ITPR1: variants seen among roughly 807,000 people sequenced by gnomAD.
The protein encoded by ITPR1 is inositol 1,4,5-trisphosphate receptor type 1, also known as inositol 1,4,5-trisphosphate-gated calcium channel ITPR1.
ITPR1 carries 96 observed loss-of-function variants against 318.4 expected under a neutral mutation model. The observed-to-expected ratio is 0.30, with a 90% confidence interval of 0.26 to 0.36. The LOEUF is 0.36. Among genes scored for constraint, ITPR1 ranks in the 10% least tolerant of loss-of-function variants. The pLI is 1.00. For synonymous variants in ITPR1, 1,312 were observed against 1,289.9 expected, an observed-to-expected ratio of 1.02 and a Z score of -0.37; for missense variants, 2,440 against 3,460.2, an observed-to-expected ratio of 0.71 and a Z score of 7.40.
rs746907550 is a variant in ITPR1 at position 4,673,263 on chromosome 3, C to G, written c.2332C>G (p.Leu778Val). The G allele has an allele frequency of 3.7e-6, 6 of 1,613,986 alleles. No homozygotes were observed. Among genetic ancestry groups the G allele is most frequent in the East Asian group, 2.2e-5 (1 of 44,864 alleles). ...GTCTGACGAGAACCTGCCCTATGAC[C>G]TCAGGGCGTCCTTCTGCCGCCTCAT... ...CMSDENLPYDLRASFCRLMLH... is the reference protein window; with the variant it reads ...CMSDENLPYDVRASFCRLMLH... Residue 778 changes from leucine (L) to valine (V), a missense_variant, in exon 21 of 62, where the codon CTC becomes GTC. Transcript: ENST00000649015.
At chr3:4,522,248 C>T (rs528047369) in intron 4 of ITPR1, among the ~76,000 whole-genome samples, 161 of 152,206 alleles carry the variant, frequency 1.1e-3, no homozygotes, top group African/African-American at 3.5e-3. Context: ...ACAGCCAGGG[C>T]GGAAAACCAC....
At chr3:4,697,315 G>GGTGTGTGT (rs35795762) in intron 34 of ITPR1, 43 bp downstream of exon 34, 16,146 of 861,920 alleles carry the variant, frequency 0.019, 166 homozygotes, top group South Asian at 0.056. Context: ...GAGAGTGAGA[G>GGTGTGTGT]GTGTGTGTGT....
chr3:4,814,107 A>G (rs982727040), intron 57 of ITPR1, among the ~76,000 whole-genome samples: 4 of 151,928 alleles, frequency 2.6e-5, no homozygotes, highest in Non-Finnish European at 5.9e-5. Flanking sequence ...TTGCGAAGCA[A>G]CTCATCTGAC....
intron 45 of ITPR1, 180 bp from the exon 46 acceptor site, chr3:4,768,331 C>G: frequency 1.6e-6 from 1 of 627,948 alleles, no homozygotes; most frequent in Non-Finnish European, 2.6e-6. Flanking sequence ...GTGGCAGGGC[C>G]TGGCTCGGTT....
chr3:4,732,744 C>G (rs926656128), intron 42 of ITPR1, among the ~76,000 whole-genome samples: 1 of 152,256 alleles, frequency 6.6e-6, no homozygotes, highest in East Asian at 1.9e-4. Flanking sequence ...TGGAAGCTGA[C>G]CTGTAAGCCT....
intron 15 of ITPR1, 106 bp from the exon 16 acceptor site, chr3:4,662,959 C>G: frequency 1.0e-5 from 9 of 894,416 alleles, no homozygotes; most frequent in Non-Finnish European, 1.4e-5. Context: ...AAGTGTGGGT[C>G]TGCCCCTGTT....
intron 43 of ITPR1, among the ~76,000 whole-genome samples, chr3:4,734,907 A>G (rs1240965592): frequency 6.6e-6 from 1 of 152,234 alleles, no homozygotes; most frequent in Non-Finnish European, 1.5e-5. Context: ...CCCTTGCTGG[A>G]AATGTATCAT....
chr3:4,556,691 A>G (rs1397806628), intron 4 of ITPR1, among the ~76,000 whole-genome samples: 1 of 152,004 alleles, frequency 6.6e-6, no homozygotes, highest in Non-Finnish European at 1.5e-5. Context: ...TGGATATACC[A>G]CGATTTATAT....
At chr3:4,681,592 GGAGAGAGAGAGTGA>G (rs1553690345) in intron 26 of ITPR1, among the ~76,000 whole-genome samples, 174 bp downstream of exon 26, 2 of 141,832 alleles carry the variant, frequency 1.4e-5, no homozygotes, top group Admixed American at 7.2e-5. Context: ...TTGATTGGGA[GGAGAGAGAGAGTGA>G]GAGAGAGAGA....
intron 44 of ITPR1, among the ~76,000 whole-genome samples, chr3:4,746,075 G>C (rs940111518): frequency 6.6e-6 from 1 of 152,218 alleles, no homozygotes; most frequent in Non-Finnish European, 1.5e-5. Flanking sequence ...ACTAGGCACT[G>C]TTACTTCAGG....
chr3:4,535,499 G>A (rs1362759303), intron 4 of ITPR1, among the ~76,000 whole-genome samples: 2 of 136,070 alleles, frequency 1.5e-5, no homozygotes, highest in Non-Finnish European at 3.1e-5. Context: ...CTGGAGTGCA[G>A]TGGCGCAATC....
rs1298702506 is a variant in ITPR1, at chr3:4,779,711, G to A, written c.6387+66G>A. ...TTGCGACGATATTTGGGACAGAGCAGAGGATCTGCTTCCTGGAGCTTTCTT... is the reference window on the plus strand; with the variant it reads ...TTGCGACGATATTTGGGACAGAGCAAAGGATCTGCTTCCTGGAGCTTTCTT... On this transcript the variant is annotated intron_variant, in intron 49 of 61. Coordinates refer to ENST00000649015, the MANE Select transcript of ITPR1 (RefSeq NM_001378452.1). The surrounding 1 kb of genome is among the most constrained non-coding windows in gnomAD (Gnocchi z 4.0). The A allele has an allele frequency of 8.9e-7, 1 of 1,126,910 alleles. No homozygotes were observed. Among genetic ancestry groups the A allele is most frequent in the South Asian group, 1.3e-5 (1 of 77,026 alleles). 69.8% of individuals were successfully genotyped at this position (1,126,910 alleles called of 1,614,324 possible). A position where few individuals can be genotyped will look rare whatever the true frequency, so the allele number is the denominator to read the frequency against.
chr3:4,713,061 A>G (rs1180410885), intron 39 of ITPR1, among the ~76,000 whole-genome samples: 4 of 152,152 alleles, frequency 2.6e-5, no homozygotes, highest in Non-Finnish European at 5.9e-5. Flanking sequence ...CACCTAGTAG[A>G]TCTCTTAAAA....
At position 4,720,737 on chromosome 3, in the gene ITPR1, C is replaced by T. The variant is rs143012003; in HGVS notation, c.5136+3338C>T. ...CTGCAGCCTGCATATGTTAACTCCT[C>T]GACTTCTCCTACTTGAGCTGCTTCT... On this transcript the variant is annotated intron_variant, in intron 40 of 61. Transcript: ENST00000649015. 4.6e-5 allele frequency among the ~76,000 whole-genome samples: 7 copies of T among 152,206 alleles called. No individual in the cohort carries two copies. The East Asian group carries it at 1.4e-3, about 29-fold the overall frequency.
chr3:4,692,099 C>A (rs1027158227), intron 32 of ITPR1, among the ~76,000 whole-genome samples: 4 of 151,644 alleles, frequency 2.6e-5, no homozygotes, highest in Non-Finnish European at 5.9e-5. Context: ...TATGATGGCA[C>A]CCACTGCACT....
At position 4,658,156 on chromosome 3, in the gene ITPR1, G is replaced by A. The variant is rs553057942; in HGVS notation, c.1029G>A (p.Arg343=). ...CTGATCAGGACGCCTCTCGAAGTAG[G>A]TTGCGGAATGCCCAAGAAAAGATGG... The part of the protein sequence containing the change: ...VDPDQDASRS[R]LRNAQEKMVY... The change falls in exon 13 of 62, where the codon AGG becomes AGA. Residue 343 remains arginine, a synonymous_variant. Coordinates refer to ENST00000649015, the MANE Select transcript of ITPR1 (RefSeq NM_001378452.1). 1.2e-6 allele frequency: 2 copies of A among 1,613,232 alleles called. No individual in the cohort carries two copies. The highest frequency in any genetic ancestry group is 8.5e-7 in the Non-Finnish European group (1 of 1,179,432).
At chr3:4,611,714 C>T (rs967353072) in intron 4 of ITPR1, among the ~76,000 whole-genome samples, 9 of 152,040 alleles carry the variant, frequency 5.9e-5, no homozygotes, top group African/African-American at 2.2e-4. Flanking sequence ...CCACTGCACT[C>T]CAGCTTGGGT....
intron 44 of ITPR1, among the ~76,000 whole-genome samples, chr3:4,739,975 G>A (rs1201910784): frequency 6.6e-6 from 1 of 152,196 alleles, no homozygotes; most frequent in Non-Finnish European, 1.5e-5. Context: ...AGTGTTTCAA[G>A]AAGCAGGAAG....
intron 4 of ITPR1, among the ~76,000 whole-genome samples, chr3:4,564,037 G>A (rs1367897880): frequency 6.6e-6 from 1 of 152,068 alleles, no homozygotes; most frequent in Non-Finnish European, 1.5e-5. Context: ...CACCTCCGGG[G>A]TTCAAGCGAT....
Sources: gnomAD v4.1 joint callset for allele counts (sites outside exome capture counted in the v4.1 genomes callset) on GRCh38, gnomAD v4.1.1 for gene constraint, Gnocchi (gnomAD v3.1) non-coding constraint, MANE v1.5 for transcripts, NCBI Gene and HGNC (gene_info 2026-07-23, HGNC 2026-07-21) for gene names.